Variants in DNAJC3 observed in about 807,000 individuals in gnomAD.
The protein encoded by DNAJC3 is dnaJ homolog subfamily C member 3.
A neutral mutation model predicts 68.6 loss-of-function variants in DNAJC3; 38 were observed. That is an observed-to-expected ratio of 0.55 (90% confidence interval 0.43 to 0.73). DNAJC3 has a LOEUF of 0.73. Among genes scored for constraint, DNAJC3 ranks in the 30% least tolerant of loss-of-function variants. DNAJC3 has a pLI of 0.00. For synonymous variants in DNAJC3, 203 were observed against 204.0 expected (o/e 1.00, Z 0.04); for missense variants, 526 against 591.9 (o/e 0.89, Z 1.16).
At chr13:95,764,298 C>G (rs768928305) in intron 9 of DNAJC3, among the ~76,000 whole-genome samples, 8 of 150,524 alleles carry the variant, frequency 5.3e-5, no homozygotes, top group Non-Finnish European at 8.9e-5. Context: ...TCTTTTCCAG[C>G]TTTTATCTAT....
chr13:95,742,245 A>AGT (rs964386056), intron 4 of DNAJC3, among the ~76,000 whole-genome samples: 3 of 152,142 alleles, frequency 2.0e-5, no homozygotes, highest in African/African-American at 4.8e-5. Context: ...AACCAGCTAC[A>AGT]GTGGCATCTG....
At chr13:95,784,957 A>G (rs17879751) in intron 9 of DNAJC3, among the ~76,000 whole-genome samples, 1 of 150,430 alleles carries the variant, frequency 6.6e-6, no homozygotes, top group Non-Finnish European at 1.5e-5. Context: ...TAAAATTTTT[A>G]AAAAAAAATA....
intron 9 of DNAJC3, among the ~76,000 whole-genome samples, chr13:95,772,942 T>C (rs1883193875): frequency 6.6e-6 from 1 of 152,126 alleles, no homozygotes; most frequent in African/African-American, 2.4e-5. Context: ...CTTTTTTTGG[T>C]AATGTCTTTG....
rs752192080 is a variant in DNAJC3 at position 95,709,241 on chromosome 13, G to C, written c.97G>C (p.Val33Leu). 1 of 1,565,900 alleles carries C rather than the reference G, an allele frequency of 6.4e-7. No individual in the cohort carries two copies. The highest frequency in any genetic ancestry group is 2.3e-5 in the East Asian group (1 of 42,786). The change falls in exon 2 of 12, where the codon GTA becomes CTA. Residue 33 changes from valine (V) to leucine (L), a missense_variant. Physicochemically the swap from Val to Leu is conservative, Grantham distance 32. Coordinates refer to ENST00000602402, the MANE Select transcript of DNAJC3 (RefSeq NM_006260.5). ...TTTATTTTTAGGTGCTGAATGTGGA[G>C]TAAATGCAGATGTTGAGAAACATCT... ...DLQYEGAECG[V>L]NADVEKHLEL...
chr13:95,696,127 G>A (rs1306151087), intron 1 of DNAJC3, among the ~76,000 whole-genome samples: 2 of 152,082 alleles, frequency 1.3e-5, no homozygotes, highest in Non-Finnish European at 2.9e-5. Context: ...CTCACATGAC[G>A]AAACTCGATC....
Position 95,723,328 on chromosome 13 carries a change from T to A in DNAJC3, c.280T>A (p.Leu94Ile). Residue 94 changes from leucine (L) to isoleucine (I), a missense_variant, in exon 3 of 12, where the codon TTA (leucine) becomes ATA (isoleucine). Transcript: ENST00000602402. The stretch of plus-strand genomic sequence containing the variant: ...CAAATCAAAAGCTGCACTTCCTGAT[T>A]TAACTAAAGTGATTCAATTGAAGAT... ...MGKSKAALPD[L>I]TKVIQLKMDF... The A allele has an allele frequency of 6.2e-7, 1 of 1,611,846 alleles. No individual in the cohort carries two copies. Among genetic ancestry groups the A allele is most frequent in the Non-Finnish European group, 8.5e-7 (1 of 1,178,334 alleles).
chr13:95,785,635 T>G (rs539797356), intron 9 of DNAJC3, among the ~76,000 whole-genome samples: 62 of 144,312 alleles, frequency 4.3e-4, no homozygotes, highest in South Asian at 1.3e-3. Context: ...ATTTTTGTGT[T>G]TTTTTTTTTA....
At chr13:95,768,923 C>T (rs776204042) in intron 9 of DNAJC3, among the ~76,000 whole-genome samples, 3 of 151,962 alleles carry the variant, frequency 2.0e-5, no homozygotes, top group Non-Finnish European at 2.9e-5. Context: ...TGCAGTGAGC[C>T]GAGATCACGC....
chr13:95,689,983 T>G (rs573121575), intron 1 of DNAJC3, among the ~76,000 whole-genome samples: 1 of 152,158 alleles, frequency 6.6e-6, no homozygotes, highest in Non-Finnish European at 1.5e-5. Flanking sequence ...CTTTTTTTTT[T>G]CTTTTTCTTT....
chr13:95,790,339 CCCGCT>C (rs1284429249), intron 11 of DNAJC3, among the ~76,000 whole-genome samples: 5 of 152,122 alleles, frequency 3.3e-5, no homozygotes, highest in Non-Finnish European at 7.4e-5. Context: ...GCTCAGAGGC[CCCGCT>C]GTGGGGGCAC....
Position 95,760,241 on chromosome 13 carries a change from A to G in DNAJC3, c.728+20A>G, listed in dbSNP as rs746978388. The G allele has an allele frequency of 1.3e-6, 2 of 1,488,050 alleles. No individual in the cohort carries two copies. Among genetic ancestry groups the G allele is most frequent in the Non-Finnish European group, 1.8e-6 (2 of 1,118,166 alleles). 92.2% of individuals were successfully genotyped at this position (1,488,050 alleles called of 1,614,324 possible). A position where few individuals can be genotyped will look rare whatever the true frequency, so the allele number is the denominator to read the frequency against. On this transcript the variant is annotated intron_variant, in intron 6 of 11. Coordinates refer to ENST00000602402, the MANE Select transcript of DNAJC3 (RefSeq NM_006260.5). ...CCTCAGGTCAGTTCTAGTGACACAC[A>G]TGTCTGATCTTTTTTAATTGTTGGC...
At chr13:95,678,927 G>C (rs1879839471) in intron 1 of DNAJC3, among the ~76,000 whole-genome samples, 1 of 152,206 alleles carries the variant, frequency 6.6e-6, no homozygotes, top group South Asian at 2.1e-4. Context: ...AGGAGTGCCA[G>C]AGTGTCTTCT....
At position 95,709,940 on chromosome 13, in the gene DNAJC3, G is replaced by A. The variant is rs540740303; in HGVS notation, c.193+603G>A. The stretch of plus-strand genomic sequence containing the variant: ...AGGCGTGAGCCACTGCGCCCGGCCA[G>A]CTTCTGACTTTTTGAACAGATTTTA... On this transcript the variant is annotated intron_variant, in intron 2 of 11. Coordinates refer to ENST00000602402, the MANE Select transcript of DNAJC3 (RefSeq NM_006260.5). Among the ~76,000 whole-genome samples, 5 of 152,190 alleles carry A rather than the reference G, an allele frequency of 3.3e-5. No individual in the cohort carries two copies. In the East Asian group the frequency reaches 7.7e-4, roughly 24 times the overall value.
At chr13:95,764,808 GA>G (rs1204625717) in intron 9 of DNAJC3, among the ~76,000 whole-genome samples, 1 of 146,138 alleles carries the variant, frequency 6.8e-6, no homozygotes, top group Non-Finnish European at 1.5e-5. Flanking sequence ...ACTATGTTAT[GA>G]ACATTTAAAT....
intron 1 of DNAJC3, 85 bp downstream of exon 1, chr13:95,677,422 C>G: frequency 7.2e-7 from 1 of 1,387,606 alleles, no homozygotes; most frequent in South Asian, 1.4e-5. Context: ...GCGCCTGTCC[C>G]GGAGCGGCTC....
intron 5 of DNAJC3, among the ~76,000 whole-genome samples, chr13:95,758,545 C>T (rs1330650523): frequency 1.3e-5 from 2 of 151,102 alleles, no homozygotes; most frequent in African/African-American, 4.9e-5. Flanking sequence ...GGCTGAGGCG[C>T]TCGAACCTGA....
intron 1 of DNAJC3, among the ~76,000 whole-genome samples, chr13:95,705,046 T>G (rs1289850181): frequency 7.2e-5 from 11 of 151,938 alleles, no homozygotes; most frequent in Admixed American, 7.2e-4. Context: ...GAGATGGGGT[T>G]TTGCCACGTT....
At chr13:95,728,852 T>G (rs1233076632) in intron 4 of DNAJC3, among the ~76,000 whole-genome samples, 2 of 152,210 alleles carry the variant, frequency 1.3e-5, no homozygotes, top group Admixed American at 6.5e-5. Context: ...ATAGACAATA[T>G]ATTGTTAACT....
intron 6 of DNAJC3, 90 bp from the exon 7 acceptor site, chr13:95,760,589 A>G: frequency 6.7e-7 from 1 of 1,500,276 alleles, no homozygotes; most frequent in Non-Finnish European, 8.9e-7. Flanking sequence ...ATCGTTGCAA[A>G]CAAAAAATAC....
Sources: allele counts gnomAD v4.1 joint callset (sites outside exome capture counted in the v4.1 genomes callset), GRCh38; gene constraint gnomAD v4.1.1; transcripts MANE v1.5; gene names NCBI Gene and HGNC (gene_info 2026-07-23, HGNC 2026-07-21).